HDAC2: variants seen among roughly 807,000 people sequenced by gnomAD.
HDAC2 encodes the protein histone deacetylase 2.
HDAC2 carries 5 observed loss-of-function variants against 68.5 expected under a neutral mutation model. The observed-to-expected ratio is 0.07, with a 90% CI of 0.04 to 0.15. The LOEUF (loss-of-function observed/expected upper bound fraction) is 0.15. Ranked by LOEUF, HDAC2 falls within the 10% of genes least tolerant of loss-of-function variation. The probability of loss-of-function intolerance (pLI) is 1.00; values close to 1 mark genes in which losing one functional copy is unlikely to be tolerated. For synonymous variants in HDAC2, 182 were observed against 191.3 expected (o/e 0.95, Z 0.40); for missense variants, 291 against 600.8 (o/e 0.48, Z 5.39).
At chr6:113,951,470 CTT>C (rs10715453) in intron 6 of HDAC2, among the ~76,000 whole-genome samples, 1,563 of 117,174 alleles carry the variant, frequency 0.013, 20 homozygotes, top group African/African-American at 0.046. Flanking sequence ...ACTGTAAAAT[CTT>C]TTTTTTTTTT....
Position 113,953,226 on chromosome 6 carries a change from G to T in HDAC2, c.639+51C>A, listed in dbSNP as rs371163056. On this transcript the variant is annotated intron_variant, in intron 6 of 13. Transcript: ENST00000519065. ...ATACTACTTCAAGTATAGGATTACTGATCTCCTAGGTTCATCTCACAATAT... is the reference window on the plus strand; with the variant it reads ...ATACTACTTCAAGTATAGGATTACTTATCTCCTAGGTTCATCTCACAATAT... 1.8e-5 allele frequency: 25 copies of T among 1,356,682 alleles called. No homozygotes were observed. The South Asian group carries it at 3.2e-4, about 17-fold the overall frequency. 84.0% of individuals were successfully genotyped at this position (1,356,682 alleles called of 1,614,324 possible). A position where few individuals can be genotyped will look rare whatever the true frequency, so the allele number is the denominator to read the frequency against.
intron 6 of HDAC2, among the ~76,000 whole-genome samples, chr6:113,950,688 G>A (rs1309715527): frequency 7.8e-6 from 1 of 128,318 alleles, no homozygotes; most frequent in Non-Finnish European, 1.6e-5. Context: ...GAGCCACTGC[G>A]CCTGAGTGGG....
chr6:113,960,585 C>T (rs1776659977), intron 1 of HDAC2, among the ~76,000 whole-genome samples: 1 of 152,028 alleles, frequency 6.6e-6, no homozygotes, highest in African/African-American at 2.4e-5. Context: ...AATAAAAATA[C>T]TGTCTCATTC....
In HDAC2 at chr6:113,934,129, T is replaced by C. The variant is rs1775948340; in HGVS notation, c.*6929A>G. On this transcript the variant is annotated 3_prime_UTR_variant, in exon 14 of 14. Coordinates refer to ENST00000519065, the MANE Select transcript of HDAC2 (RefSeq NM_001527.4). ...TTCAACAACCAAGAAATAGATTTCA[T>C]ACCTATTACACATAAAGATATAAAG... 6.6e-6 allele frequency: 1 copy of C among 152,166 alleles called. No individual in the cohort carries two copies. The allele number at this position is 152,166 out of a possible 1,614,324, so 9.4% of individuals were successfully genotyped here.
chr6:113,955,359 G>A (rs973585316), intron 5 of HDAC2, among the ~76,000 whole-genome samples: 1 of 151,686 alleles, frequency 6.6e-6, no homozygotes, highest in Non-Finnish European at 1.5e-5. Context: ...GATTACAGGC[G>A]CACGCCACCA....
chr6:113,949,734 C>CCCA (rs1776359328), intron 6 of HDAC2, among the ~76,000 whole-genome samples: 1 of 152,102 alleles, frequency 6.6e-6, no homozygotes. Flanking sequence ...GAAAGAACGA[C>CCCA]CCACACTTTC....
At chr6:113,956,199 A>T (rs1194022272) in intron 4 of HDAC2, 48 bp from the exon 5 acceptor site, 26 of 1,506,808 alleles carry the variant, frequency 1.7e-5, no homozygotes, top group Non-Finnish European at 2.3e-5. Flanking sequence ...ATCATAAAAA[A>T]GTAGTAGAAT....
chr6:113,970,405 C>G, intron 1 of HDAC2: 1 of 994,418 alleles, frequency 1.0e-6, no homozygotes, highest in East Asian at 1.1e-4. Context: ...TGTGTAGAGT[C>G]AAGGCCGGGA....
intron 6 of HDAC2, among the ~76,000 whole-genome samples, chr6:113,950,264 G>C (rs1776378035): frequency 6.6e-6 from 1 of 152,096 alleles, no homozygotes; most frequent in Non-Finnish European, 1.5e-5. Flanking sequence ...ATTTGTAGGT[G>C]TGCATATGCA....
In HDAC2 at chr6:113,938,201, GTCTC is replaced by G. The variant is rs1169452298; in HGVS notation, c.*2853_*2856del. Reference sequence around the variant, plus strand: ...TTTAAAAAACTAAGTTAAAAAATAAGTCTCTCTATAGCTTTTTATTTACTGAGGT... The same window carrying G: ...TTTAAAAAACTAAGTTAAAAAATAAGTCTATAGCTTTTTATTTACTGAGGT... On this transcript the variant is annotated 3_prime_UTR_variant, in exon 14 of 14. Coordinates refer to ENST00000519065, the MANE Select transcript of HDAC2 (RefSeq NM_001527.4). The G allele has an allele frequency of 3.9e-5, 6 of 152,096 alleles. No individual in the cohort carries two copies. Among genetic ancestry groups the G allele is most frequent in the Admixed American group, 2.0e-4 (3 of 15,280 alleles). 9.4% of individuals were successfully genotyped at this position (152,096 alleles called of 1,614,324 possible).
chr6:113,943,855 T>C (rs1236300041), intron 11 of HDAC2, among the ~76,000 whole-genome samples: 1 of 151,742 alleles, frequency 6.6e-6, no homozygotes. Context: ...AGAGGTGAAG[T>C]AGACCAAAAA....
rs78910185 is a variant in HDAC2, at chr6:113,937,990, G to A, written c.*3068C>T. On this transcript the variant is annotated 3_prime_UTR_variant, in exon 14 of 14. Coordinates refer to ENST00000519065, the MANE Select transcript of HDAC2 (RefSeq NM_001527.4). ...GTGAAACCCCGTCTCTACTAAAAAT[G>A]CGAACAATTAGCTGGGCGTGGTGAC... is the stretch of plus-strand genomic sequence containing the variant. 0.18 allele frequency: 27,545 copies of A among 152,010 alleles called. 2,737 individuals carry two copies. The highest frequency in any genetic ancestry group is 0.35 in the East Asian group (1,816 of 5,130). 9.4% of individuals were successfully genotyped at this position (152,010 alleles called of 1,614,324 possible).
rs550349669 is a variant in HDAC2 at position 113,951,561 on chromosome 6, G to A, written c.639+1716C>T. ...CGGCTCACAGCAAGCTCCGCCTCCC[G>A]GGTTCACGCCATTCTCCTGCCTCAG... On this transcript the variant is annotated intron_variant, in intron 6 of 13. Transcript: ENST00000519065. Among the ~76,000 whole-genome samples the A allele has an allele frequency of 3.4e-3, 511 of 150,122 alleles. 1 individual carries two copies. The highest frequency in any genetic ancestry group is 5.1e-3 in the Non-Finnish European group (345 of 67,720).
rs539804928 is a variant in HDAC2 at position 113,940,062 on chromosome 6, A to AC, written c.*995dup. The AC allele has an allele frequency of 2.4e-4, 37 of 152,220 alleles. No homozygotes were observed. In the South Asian group the frequency reaches 7.7e-3, roughly 32 times the overall value. 9.4% of individuals were successfully genotyped at this position (152,220 alleles called of 1,614,324 possible). The stretch of plus-strand genomic sequence containing the variant: ...TTTGCACATCTTAGTAGCAGGAGTT[A>AC]CCCCCATTTGTCTGCTTCCTGCTAC... On this transcript the variant is annotated 3_prime_UTR_variant, in exon 14 of 14. Coordinates refer to ENST00000519065, the MANE Select transcript of HDAC2 (RefSeq NM_001527.4).
intron 3 of HDAC2, chr6:113,956,986 AAC>A: frequency 4.1e-6 from 1 of 242,500 alleles, no homozygotes; most frequent in Non-Finnish European, 8.0e-6. Context: ...ATTTAATTAA[AAC>A]ACAGGCTTAA....
intron 5 of HDAC2, among the ~76,000 whole-genome samples, chr6:113,953,643 G>C (rs1052844484): frequency 6.6e-6 from 1 of 152,144 alleles, no homozygotes; most frequent in Non-Finnish European, 1.5e-5. Flanking sequence ...TTTACTCTTT[G>C]TGAAATCTGT....
chr6:113,956,915 T>C (rs1776567320), intron 3 of HDAC2: 1 of 456,258 alleles, frequency 2.2e-6, no homozygotes, highest in Non-Finnish European at 3.9e-6. Flanking sequence ...ATCAGGATTA[T>C]CTGTGGAATA....
Position 113,946,190 on chromosome 6 carries a change from G to C in HDAC2, c.842-42C>G, listed in dbSNP as rs774278431. On this transcript the variant is annotated intron_variant, in intron 8 of 13. Coordinates refer to ENST00000519065, the MANE Select transcript of HDAC2 (RefSeq NM_001527.4). ...TGGGTAACAACAAAATCTGCATACT[G>C]CAACAGTTCGAAAAATAAATTTTAA... 6 of 1,512,514 alleles carry C rather than the reference G, an allele frequency of 4.0e-6. No individual in the cohort carries two copies. In the South Asian group the frequency reaches 7.5e-5, roughly 19 times the overall value. 93.7% of individuals were successfully genotyped at this position (1,512,514 alleles called of 1,614,324 possible).
intron 13 of HDAC2, 133 bp from the exon 14 acceptor site, chr6:113,941,221 G>A: frequency 3.7e-6 from 2 of 547,284 alleles, no homozygotes; most frequent in South Asian, 3.7e-5. Context: ...AAGTGTTTCT[G>A]GAGTAATTAA....
Sources: allele counts gnomAD v4.1 joint callset (sites outside exome capture counted in the v4.1 genomes callset), GRCh38; gene constraint gnomAD v4.1.1; transcripts MANE v1.5; gene names NCBI Gene and HGNC (gene_info 2026-07-23, HGNC 2026-07-21).